The following HMGA2 variants were observed in gnomAD, a reference collection of about 807,000 sequenced individuals.
HMGA2 encodes the protein high mobility group AT-hook 2.
In HMGA2, 8 loss-of-function variants were observed where a neutral mutation model predicts 19.1. That is an observed-to-expected ratio of 0.42 (90% CI 0.25 to 0.76). HMGA2 has a LOEUF of 0.76. HMGA2 is among the 30% of genes least tolerant of loss of function. The pLI is 0.28. For missense variants in HMGA2, 109 were observed against 136.3 expected (o/e 0.80, Z 1.00); for synonymous variants, 60 against 48.8 (o/e 1.23, Z -0.96).
At chr12:65,831,845 T>C (rs1021328145) in intron 2 of HMGA2, among the ~76,000 whole-genome samples, 7 of 151,982 alleles carry the variant, frequency 4.6e-5, no homozygotes, top group Non-Finnish European at 7.4e-5. Context: ...GGACAGAATT[T>C]TCTTCAGAAT....
At chr12:65,898,435 A>G (rs1350676117) in intron 3 of HMGA2, among the ~76,000 whole-genome samples, 1 of 152,224 alleles carries the variant, frequency 6.6e-6, no homozygotes, top group African/African-American at 2.4e-5. Context: ...CCTCAAGGAA[A>G]TCTGCAGTGG....
At chr12:65,910,646 C>T (rs767519660) in intron 3 of HMGA2, among the ~76,000 whole-genome samples, 1 of 152,160 alleles carries the variant, frequency 6.6e-6, no homozygotes, top group African/African-American at 2.4e-5. Flanking sequence ...TTCATGACAT[C>T]TTCTGGTAGG....
intron 3 of HMGA2, among the ~76,000 whole-genome samples, chr12:65,873,070 A>G (rs556786542): frequency 8.5e-5 from 13 of 152,236 alleles, no homozygotes; most frequent in African/African-American, 3.1e-4. Flanking sequence ...GCCCCCGCCA[A>G]CCTCTCTTGA....
intron 3 of HMGA2, among the ~76,000 whole-genome samples, chr12:65,920,564 C>T (rs1160234852): frequency 6.6e-6 from 1 of 152,160 alleles, no homozygotes; most frequent in South Asian, 2.1e-4. Flanking sequence ...CAGGAGGTAA[C>T]TGAATCATGG....
At chr12:65,866,714 T>C (rs1396862170) in intron 3 of HMGA2, 1 of 429,340 alleles carries the variant, frequency 2.3e-6, no homozygotes, top group Non-Finnish European at 4.7e-6. Flanking sequence ...TCATTCTTCA[T>C]TACAAATTTA....
At chr12:65,829,496 A>T (rs1292617498) in intron 2 of HMGA2, among the ~76,000 whole-genome samples, 1 of 151,962 alleles carries the variant, frequency 6.6e-6, no homozygotes, top group East Asian at 1.9e-4. Flanking sequence ...TATGTTGTGT[A>T]AGTGTGGAGT....
At chr12:65,897,784 A>T (rs1216926355) in intron 3 of HMGA2, among the ~76,000 whole-genome samples, 1 of 151,912 alleles carries the variant, frequency 6.6e-6, no homozygotes, top group Non-Finnish European at 1.5e-5. Context: ...ACGTGGTAAA[A>T]CCCTGTCTCT....
chr12:65,835,111 A>G (rs1208162354), intron 2 of HMGA2, among the ~76,000 whole-genome samples: 1 of 152,216 alleles, frequency 6.6e-6, no homozygotes, highest in African/African-American at 2.4e-5. Flanking sequence ...TCTGTTATAC[A>G]TGGGTTTGTA....
intron 3 of HMGA2, among the ~76,000 whole-genome samples, chr12:65,841,155 TG>T (rs1224740807): frequency 2.6e-5 from 4 of 152,190 alleles, no homozygotes; most frequent in East Asian, 1.9e-4. Flanking sequence ...AGGATATATA[TG>T]TTTTTTTTCT....
At chr12:65,846,287 G>T (rs1307984766) in intron 3 of HMGA2, among the ~76,000 whole-genome samples, 4 of 152,242 alleles carry the variant, frequency 2.6e-5, no homozygotes, top group African/African-American at 9.6e-5. Context: ...ATGAATGGCT[G>T]CTGGTCAAGC....
rs1876906747 is a variant in HMGA2 at position 65,966,270 on chromosome 12, A to C, written c.*2978A>C. 5.3e-6 allele frequency: 1 copy of C among 187,042 alleles called. No individual in the cohort carries two copies. 11.6% of individuals were successfully genotyped at this position (187,042 alleles called of 1,614,324 possible). ...TTTGTTACAGTTCCATTAAATGAGT[A>C]ATAAAGTTTGGTCAAAACAGATCAA... On this transcript the variant is annotated 3_prime_UTR_variant, in exon 5 of 5. Transcript: ENST00000403681.
At chr12:65,915,767 G>A (rs1485338761) in intron 3 of HMGA2, among the ~76,000 whole-genome samples, 1 of 151,960 alleles carries the variant, frequency 6.6e-6, no homozygotes, top group Non-Finnish European at 1.5e-5. Flanking sequence ...TTTAAATTTT[G>A]GACATTTGGG....
intron 3 of HMGA2, among the ~76,000 whole-genome samples, chr12:65,874,923 A>T (rs1283580725): frequency 6.6e-6 from 1 of 152,138 alleles, no homozygotes; most frequent in African/African-American, 2.4e-5. Context: ...GAGCAAGAAA[A>T]TTGGGATCTC....
chr12:65,849,779 C>T (rs921617268), intron 3 of HMGA2, among the ~76,000 whole-genome samples: 3 of 121,438 alleles, frequency 2.5e-5, no homozygotes, highest in African/African-American at 1.1e-4. Context: ...AGTGCAATGG[C>T]GCGATCCTGG....
At chr12:65,891,902 G>C (rs1332819434) in intron 3 of HMGA2, among the ~76,000 whole-genome samples, 1 of 152,220 alleles carries the variant, frequency 6.6e-6, no homozygotes, top group Non-Finnish European at 1.5e-5. Context: ...ACCCTCCAAA[G>C]GTCAGTCCCT....
intron 3 of HMGA2, among the ~76,000 whole-genome samples, chr12:65,898,436 T>C (rs2121163305): frequency 6.6e-6 from 1 of 152,266 alleles, no homozygotes; most frequent in East Asian, 1.9e-4. Flanking sequence ...CTCAAGGAAA[T>C]CTGCAGTGGC....
intron 3 of HMGA2, among the ~76,000 whole-genome samples, chr12:65,850,374 C>T (rs747386000): frequency 2.6e-5 from 4 of 152,124 alleles, no homozygotes; most frequent in African/African-American, 4.8e-5. Flanking sequence ...TCACACTAAA[C>T]TCACTTGTAC....
intron 4 of HMGA2, chr12:65,954,044 G>A (rs1370017191): frequency 6.6e-6 from 1 of 152,174 alleles, no homozygotes; most frequent in Non-Finnish European, 1.5e-5. Context: ...GCTCAGCAGT[G>A]TGTAAACAGA....
intron 3 of HMGA2, among the ~76,000 whole-genome samples, chr12:65,901,394 A>C (rs1186015575): frequency 2.0e-5 from 3 of 152,216 alleles, no homozygotes; most frequent in Non-Finnish European, 4.4e-5. Flanking sequence ...GGTTTTACTT[A>C]TTGATATAAA....
Sources: gnomAD v4.1 joint callset for allele counts (sites outside exome capture counted in the v4.1 genomes callset) on GRCh38, gnomAD v4.1.1 for gene constraint, MANE v1.5 for transcripts, NCBI Gene and HGNC (gene_info 2026-07-23, HGNC 2026-07-21) for gene names.